SBF2: variants seen among roughly 807,000 people sequenced by gnomAD.
SBF2 encodes the protein SET binding factor 2, also known as myotubularin-related protein 13.
SBF2 carries 112 observed loss-of-function variants against 225.2 expected under a neutral mutation model. The ratio of observed to expected loss-of-function variants is 0.50; its 90% CI spans 0.43 to 0.58. The LOEUF (loss-of-function observed/expected upper bound fraction) is 0.58, where lower values mean the gene tolerates loss of function less well. Ranked by LOEUF, SBF2 falls within the 20% of genes least tolerant of loss-of-function variation. The pLI, the probability that SBF2 is intolerant of heterozygous loss-of-function variation, is 0.00. For synonymous variants in SBF2, 763 were observed against 773.3 expected (o/e 0.99, Z 0.22); for missense variants, 1,996 against 2,206.2 (o/e 0.90, Z 1.91).
At chr11:10,000,836 T>G (rs1590722088) in intron 8 of SBF2, 78 bp downstream of exon 8, 1 of 771,660 alleles carries the variant, frequency 1.3e-6, no homozygotes, top group Non-Finnish European at 2.3e-6. Context: ...TAGTGATGAG[T>G]TGAAATGTTA....
Position 10,043,001 on chromosome 11 carries a change from A to C in SBF2, c.142-20T>G, listed in dbSNP as rs748235053. On this transcript the variant is annotated intron_variant, in intron 2 of 39. Coordinates refer to ENST00000256190, the MANE Select transcript of SBF2 (RefSeq NM_030962.4). ...ACAAAACTAAATGAAATAGAAAAAA[A>C]AATGTAACATTTAAAAACAATAAAA... The C allele has an allele frequency of 1.1e-5, 17 of 1,611,340 alleles. No homozygotes were observed. The East Asian group carries it at 3.8e-4, about 36-fold the overall frequency.
rs140056013 is a variant in SBF2 at position 10,099,217 on chromosome 11, A to C, written c.142-56236T>G. ...AAAGTAAGACTTTGAAAGGAGCATT[A>C]GAAAACTGACTCATCAGAGACAAAG... is the stretch of plus-strand genomic sequence containing the variant. On this transcript the variant is annotated intron_variant, in intron 2 of 39. Coordinates refer to ENST00000256190, the MANE Select transcript of SBF2 (RefSeq NM_030962.4). Among the ~76,000 whole-genome samples the C allele has an allele frequency of 5.8e-3, 886 of 152,324 alleles. 14 individuals are homozygous for C. Among genetic ancestry groups the C allele is most frequent in the African/African-American group, 0.019 (808 of 41,574 alleles).
intron 16 of SBF2, among the ~76,000 whole-genome samples, chr11:9,939,940 T>C (rs1281260292): frequency 6.6e-6 from 1 of 152,182 alleles, no homozygotes; most frequent in Admixed American, 6.5e-5. Flanking sequence ...TCATATATTT[T>C]TAATTTTCAG....
At chr11:10,252,586 G>A (rs965230291) in intron 1 of SBF2, among the ~76,000 whole-genome samples, 3 of 152,124 alleles carry the variant, frequency 2.0e-5, no homozygotes, top group Non-Finnish European at 4.4e-5. Flanking sequence ...GGCAGATCAC[G>A]GATCACGAGG....
intron 2 of SBF2, among the ~76,000 whole-genome samples, chr11:10,078,592 A>G (rs1215929841): frequency 6.6e-6 from 1 of 151,862 alleles, no homozygotes; most frequent in Non-Finnish European, 1.5e-5. Flanking sequence ...GAACACATGG[A>G]CACAGGGAGG....
At chr11:10,075,199 A>T (rs542275664) in intron 2 of SBF2, among the ~76,000 whole-genome samples, 1 of 152,340 alleles carries the variant, frequency 6.6e-6, no homozygotes, top group East Asian at 1.9e-4. Context: ...AATTTTGGTA[A>T]ATTACCTAAT....
chr11:9,787,698 T>G lies in SBF2; in HGVS notation c.4973A>C (p.Glu1658Ala), dbSNP rs749371792. 1.2e-6 allele frequency: 2 copies of G among 1,614,240 alleles called. No homozygotes were observed. Among genetic ancestry groups the G allele is most frequent in the South Asian group, 2.2e-5 (2 of 91,088 alleles). Reference protein sequence around the residue: ...KLEHKLNQAPEKWQQLWERVT... With the variant: ...KLEHKLNQAPAKWQQLWERVT... ...CCTTTCCCACAGCTGCTGCCACTTC[T>G]CAGGGGCTTGGTTCAATTTGTGCTC... Residue 1658 changes from glutamate (E) to alanine (A), a missense_variant, in exon 36 of 40, where the codon GAG becomes GCG. Glu to Ala is a moderately radical substitution (Grantham distance 107). Transcript: ENST00000256190.
intron 2 of SBF2, among the ~76,000 whole-genome samples, chr11:10,174,256 A>G (rs1956354591): frequency 6.6e-6 from 1 of 152,200 alleles, no homozygotes. Flanking sequence ...GAAGTTGAAA[A>G]CTGTGAAAAA....
intron 2 of SBF2, among the ~76,000 whole-genome samples, chr11:10,109,581 T>C (rs1194676649): frequency 6.6e-6 from 1 of 152,228 alleles, no homozygotes; most frequent in Non-Finnish European, 1.5e-5. Flanking sequence ...CAACATGATA[T>C]TCTGAGAATC....
chr11:10,142,273 T>C (rs1450601991), intron 2 of SBF2, among the ~76,000 whole-genome samples: 2 of 152,214 alleles, frequency 1.3e-5, no homozygotes, highest in Admixed American at 6.5e-5. Flanking sequence ...CCTTAATTGC[T>C]AGAGACTAAG....
chr11:10,273,088 AAT>A (rs1445267927), intron 1 of SBF2, among the ~76,000 whole-genome samples: 7 of 152,082 alleles, frequency 4.6e-5, no homozygotes, highest in African/African-American at 1.4e-4. Context: ...AAAATAAATA[AAT>A]AAATAAATAA....
intron 33 of SBF2, among the ~76,000 whole-genome samples, chr11:9,792,868 G>A (rs565218078): frequency 8.6e-5 from 13 of 151,192 alleles, no homozygotes; most frequent in East Asian, 7.8e-4. Flanking sequence ...TCCTCCCACC[G>A]CAGCCTCCTG....
chr11:10,031,264 A>G, intron 3 of SBF2, 94 bp from the exon 4 acceptor site: 2 of 1,142,512 alleles, frequency 1.8e-6, no homozygotes, highest in Non-Finnish European at 2.5e-6. Flanking sequence ...TAACTTATGC[A>G]AATTCAAAAT....
At chr11:10,049,203 G>A (rs1390275164) in intron 2 of SBF2, among the ~76,000 whole-genome samples, 1 of 152,032 alleles carries the variant, frequency 6.6e-6, no homozygotes, top group African/African-American at 2.4e-5. Context: ...ACTCTTTTCT[G>A]TATTTTTTTG....
intron 33 of SBF2, among the ~76,000 whole-genome samples, chr11:9,794,517 T>C (rs1852965991): frequency 6.6e-6 from 1 of 151,032 alleles, no homozygotes; most frequent in Admixed American, 6.6e-5. Flanking sequence ...ATACAAAAAT[T>C]AGCCAGGCAT....
At chr11:10,063,858 CAGAG>C (rs1555006975) in intron 2 of SBF2, among the ~76,000 whole-genome samples, 59 of 136,198 alleles carry the variant, frequency 4.3e-4, no homozygotes, top group South Asian at 1.2e-3. Context: ...CACACACACA[CAGAG>C]AGAGAGAGAG....
intron 13 of SBF2, among the ~76,000 whole-genome samples, chr11:9,975,823 A>T (rs1590657096): frequency 2.0e-5 from 3 of 152,316 alleles, no homozygotes. Flanking sequence ...TAATTAAAAA[A>T]TTCCTTTATT....
intron 2 of SBF2, among the ~76,000 whole-genome samples, chr11:10,188,790 A>G (rs994596892): frequency 2.0e-5 from 3 of 152,200 alleles, no homozygotes; most frequent in African/African-American, 4.8e-5. Flanking sequence ...ACAGTCTGGG[A>G]GTGGGTACCA....
intron 6 of SBF2, among the ~76,000 whole-genome samples, chr11:10,003,059 T>G (rs567111651): frequency 6.6e-6 from 1 of 152,368 alleles, no homozygotes; most frequent in Admixed American, 6.5e-5. Context: ...CCAGCTTTGT[T>G]GTTGAAATTT....
Sources: allele counts gnomAD v4.1 joint callset (sites outside exome capture counted in the v4.1 genomes callset), GRCh38; gene constraint gnomAD v4.1.1; transcripts MANE v1.5; gene names NCBI Gene and HGNC (gene_info 2026-07-23, HGNC 2026-07-21).